Variants in CRISPLD2 observed in about 807,000 individuals in gnomAD.
CRISPLD2 encodes cysteine rich secretory protein LCCL domain containing 2, also known as cysteine-rich secretory protein LCCL domain-containing 2.
CRISPLD2 carries 47 observed loss-of-function variants against 71.1 expected under a neutral mutation model. That is an observed-to-expected ratio of 0.66 (90% CI 0.52 to 0.84). CRISPLD2 has a LOEUF of 0.84. CRISPLD2 is among the 40% of genes least tolerant of loss of function. The pLI is 0.00. For missense variants in CRISPLD2, 830 were observed against 651.1 expected (o/e 1.27, Z -2.99); for synonymous variants, 317 against 250.1 (o/e 1.27, Z -2.52).
chr16:84,881,668 G>T (rs1384870719), intron 13 of CRISPLD2, among the ~76,000 whole-genome samples: 1 of 152,148 alleles, frequency 6.6e-6, no homozygotes, highest in Non-Finnish European at 1.5e-5. Flanking sequence ...TAGAGGCAAG[G>T]TCTCACTATG....
At chr16:84,857,241 C>T (rs1917265867) in intron 6 of CRISPLD2, among the ~76,000 whole-genome samples, 1 of 152,212 alleles carries the variant, frequency 6.6e-6, no homozygotes, top group Non-Finnish European at 1.5e-5. Flanking sequence ...TTCATGGGCC[C>T]ATTGGGCGAT....
intron 14 of CRISPLD2, among the ~76,000 whole-genome samples, chr16:84,894,839 C>A (rs1216458471): frequency 1.3e-5 from 2 of 152,004 alleles, no homozygotes; most frequent in Non-Finnish European, 2.9e-5. Flanking sequence ...AGTGAGTACC[C>A]ACGGCTGGTG....
chr16:84,872,624 G>A, intron 9 of CRISPLD2, 116 bp downstream of exon 9: 1 of 919,260 alleles, frequency 1.1e-6, no homozygotes, highest in Non-Finnish European at 1.7e-6. Context: ...AGTCAAACCT[G>A]GCATTTCTAG....
intron 14 of CRISPLD2, among the ~76,000 whole-genome samples, chr16:84,896,622 C>G (rs558426073): frequency 5.3e-5 from 8 of 152,146 alleles, no homozygotes; most frequent in Non-Finnish European, 1.0e-4. Flanking sequence ...CCTGAGCACA[C>G]GGAAGGTAGG....
At chr16:84,905,358 G>T (rs556828844) in intron 14 of CRISPLD2, among the ~76,000 whole-genome samples, 1 of 152,192 alleles carries the variant, frequency 6.6e-6, no homozygotes, top group South Asian at 2.1e-4. Context: ...ACTTAGAAAG[G>T]TTGAGTTTAT....
At chr16:84,826,295 G>A (rs965389406) in intron 1 of CRISPLD2, among the ~76,000 whole-genome samples, 4 of 152,212 alleles carry the variant, frequency 2.6e-5, no homozygotes, top group African/African-American at 9.7e-5. Flanking sequence ...ACAAGTTGTT[G>A]GCATATTTGG....
At chr16:84,874,628 G>A (rs994832511) in intron 11 of CRISPLD2, among the ~76,000 whole-genome samples, 2 of 152,108 alleles carry the variant, frequency 1.3e-5, no homozygotes, top group African/African-American at 2.4e-5. Flanking sequence ...CCTTTGTTTT[G>A]GGACAGCAAC....
At chr16:84,905,430 C>G (rs1384728595) in intron 14 of CRISPLD2, among the ~76,000 whole-genome samples, 1 of 151,912 alleles carries the variant, frequency 6.6e-6, no homozygotes, top group African/African-American at 2.4e-5. Flanking sequence ...AACAGAGTCT[C>G]ACTCTCTTGC....
intron 1 of CRISPLD2, among the ~76,000 whole-genome samples, chr16:84,824,339 G>A (rs1297127456): frequency 1.3e-5 from 2 of 152,146 alleles, no homozygotes; most frequent in South Asian, 2.1e-4. Flanking sequence ...AGAGTAACAC[G>A]GTGGCACTGA....
At chr16:84,862,309 C>T (rs1917406239) in intron 6 of CRISPLD2, among the ~76,000 whole-genome samples, 1 of 152,044 alleles carries the variant, frequency 6.6e-6, no homozygotes, top group Non-Finnish European at 1.5e-5. Flanking sequence ...CTCAAGGGAT[C>T]CTCCCATCTC....
rs113772393 is a variant in CRISPLD2 at position 84,891,410 on chromosome 16, C to T, written c.1439+2047C>T. Among the ~76,000 whole-genome samples, 362 of 152,284 alleles carry T rather than the reference C, an allele frequency of 2.4e-3. 2 individuals carry two copies. The highest frequency in any genetic ancestry group is 8.4e-3 in the African/African-American group (348 of 41,552). ...GCCCATTCTTCCCGGGACCCCTGCC[C>T]GGTGACTCTGCCATCGGCAGCCCTG... On this transcript the variant is annotated intron_variant, in intron 14 of 14. Transcript: ENST00000262424.
At position 84,889,274 on chromosome 16, in the gene CRISPLD2, C is replaced by G; in HGVS notation, c.1350C>G (p.Ser450Arg). The G allele has an allele frequency of 6.2e-7, 1 of 1,614,106 alleles. No homozygotes were observed. Among genetic ancestry groups the G allele is most frequent in the Non-Finnish European group, 8.5e-7 (1 of 1,180,016 alleles). Residue 450 changes from serine (S) to arginine (R), a missense_variant, in exon 14 of 15, where the codon AGC becomes AGG. By Grantham distance (110) the Ser-to-Arg change is moderately radical. Transcript: ENST00000262424. ...CAGCCGTGCACGCGGGAGTCATCAG[C>G]AACGAGAGTGGGGGTGACGTGGACG... ...CKTAVHAGVISNESGGDVDVM... is the reference protein window; with the variant it reads ...CKTAVHAGVIRNESGGDVDVM...
chr16:84,862,672 CTTTT>C (rs764630306), intron 6 of CRISPLD2, among the ~76,000 whole-genome samples: 1 of 99,216 alleles, frequency 1.0e-5, no homozygotes. Flanking sequence ...GTGGCCCAGG[CTTTT>C]TTTTTTTTTT....
chr16:84,872,442 G>C lies in CRISPLD2; in HGVS notation c.915G>C (p.Arg305Ser). Residue 305 changes from arginine (R) to serine (S), a missense_variant and splice_region_variant, in exon 9 of 15, where the codon AGG (arginine) becomes AGC (serine). Transcript: ENST00000262424. ...CATCATTTTATTTCTTCCTCGTCAGGTACCAGTGCCCAGCAGGCTGCCTGA... is the reference window on the plus strand; with the variant it reads ...CATCATTTTATTTCTTCCTCGTCAGCTACCAGTGCCCAGCAGGCTGCCTGA... ...KDRCKGSTCN[R>S]YQCPAGCLNH... 2 of 1,613,486 alleles carry C rather than the reference G, an allele frequency of 1.2e-6. No individual in the cohort carries two copies. The highest frequency in any genetic ancestry group is 1.7e-6 in the Non-Finnish European group (2 of 1,179,570).
In CRISPLD2 at chr16:84,907,282, C is replaced by T. The variant is rs536275762; in HGVS notation, c.*640C>T. On this transcript the variant is annotated 3_prime_UTR_variant, in exon 15 of 15. Coordinates refer to ENST00000262424, the MANE Select transcript of CRISPLD2 (RefSeq NM_031476.4). ...CCCGCCACAGGCCCCCTTCAATGGC[C>T]GCATTCAGGATGGCTCTATACACAG... 5.6e-5 allele frequency: 9 copies of T among 161,536 alleles called. No homozygotes were observed. Among genetic ancestry groups the T allele is most frequent in the Admixed American group, 1.8e-4 (3 of 16,324 alleles). 10.0% of individuals were successfully genotyped at this position (161,536 alleles called of 1,614,324 possible).
At chr16:84,883,420 T>A (rs960074805) in intron 13 of CRISPLD2, among the ~76,000 whole-genome samples, 2 of 152,222 alleles carry the variant, frequency 1.3e-5, no homozygotes, top group Non-Finnish European at 2.9e-5. Flanking sequence ...CCCAGGGAGC[T>A]GAGCCACGGC....
intron 14 of CRISPLD2, among the ~76,000 whole-genome samples, chr16:84,898,249 GA>G (rs1282618508): frequency 3.3e-5 from 5 of 152,198 alleles, no homozygotes; most frequent in African/African-American, 1.2e-4. Flanking sequence ...TCGCACCAAG[GA>G]AAAAAGTCAG....
chr16:84,840,208 G>A (rs1346339750), intron 2 of CRISPLD2, among the ~76,000 whole-genome samples: 1 of 152,160 alleles, frequency 6.6e-6, no homozygotes, highest in Non-Finnish European at 1.5e-5. Flanking sequence ...AGCTGGCCTG[G>A]GTGATGACCC....
chr16:84,901,666 T>C (rs1305080553), intron 14 of CRISPLD2, among the ~76,000 whole-genome samples: 2 of 150,014 alleles, frequency 1.3e-5, no homozygotes, highest in Non-Finnish European at 3.0e-5. Flanking sequence ...TTGGTAGAGA[T>C]GGGGTTTCAC....
Sources: gnomAD v4.1 joint callset for allele counts (sites outside exome capture counted in the v4.1 genomes callset) on GRCh38, gnomAD v4.1.1 for gene constraint, MANE v1.5 for transcripts, NCBI Gene and HGNC (gene_info 2026-07-23, HGNC 2026-07-21) for gene names.